The following PPP2R3B variants were observed in gnomAD, a reference collection of about 807,000 sequenced individuals.
PPP2R3B encodes serine/threonine-protein phosphatase 2A regulatory subunit B'' subunit beta.
Under a neutral mutation model 72.9 loss-of-function variants are expected in PPP2R3B, and 68 were observed. The observed-to-expected ratio is 0.93, with a 90% CI of 0.77 to 1.14. PPP2R3B has a LOEUF of 1.14. PPP2R3B is among the 50% of genes most tolerant of loss of function. The pLI is 0.00. For synonymous variants in PPP2R3B, 466 were observed against 375.8 expected (o/e 1.24, Z -2.78); for missense variants, 1,018 against 842.0 (o/e 1.21, Z -2.59).
chrX:347,903 G>C (rs1237144124), intron 2 of PPP2R3B: 1 of 547,402 alleles, frequency 1.8e-6, no homozygotes, highest in Non-Finnish European at 3.2e-6. Context: ...TGGGAGTGCC[G>C]GGCACGCAGT....
chrX:380,251 A>G (rs779070618), intron 1 of PPP2R3B, among the ~76,000 whole-genome samples: 68 of 152,360 alleles, frequency 4.5e-4, no homozygotes, highest in African/African-American at 1.5e-3. Flanking sequence ...GCTCTTTGAG[A>G]CACTGAAGAA....
At chrX:380,735 G>A (rs1380850572) in intron 1 of PPP2R3B, among the ~76,000 whole-genome samples, 3 of 126,546 alleles carry the variant, frequency 2.4e-5, no homozygotes, top group Non-Finnish European at 4.7e-5. Context: ...GTAGTGAGCC[G>A]AAATTGCGTC....
At chrX:345,383 G>T (rs754164603) in intron 7 of PPP2R3B, 133 bp downstream of exon 7, 1 of 1,213,924 alleles carries the variant, frequency 8.2e-7, no homozygotes, top group Admixed American at 2.0e-5. Context: ...ACAGAGCGGC[G>T]AGTGCGAAGG....
intron 1 of PPP2R3B, chrX:374,000 G>C (rs909946208): frequency 1.3e-5 from 2 of 152,554 alleles, no homozygotes; most frequent in African/African-American, 4.8e-5. Flanking sequence ...GGGCTGGGCC[G>C]TCCGGCCGGG....
At chrX:350,148 G>T (rs898871497) in intron 2 of PPP2R3B, among the ~76,000 whole-genome samples, 1 of 152,162 alleles carries the variant, frequency 6.6e-6, no homozygotes, top group Non-Finnish European at 1.5e-5. Context: ...GTCTCTGTCG[G>T]GCACCGGTGG....
At chrX:354,865 A>C (rs980525334) in intron 2 of PPP2R3B, among the ~76,000 whole-genome samples, 3 of 152,084 alleles carry the variant, frequency 2.0e-5, no homozygotes, top group African/African-American at 7.2e-5. Context: ...AAAACACAAG[A>C]GCTCCCAGCA....
intron 2 of PPP2R3B, among the ~76,000 whole-genome samples, chrX:353,986 A>AGGGCTCATCCAAAGACCG (rs2071385994): frequency 1.2e-5 from 1 of 86,684 alleles, no homozygotes; most frequent in South Asian, 4.2e-4. Flanking sequence ...CCCAAAGACC[A>AGGGCTCATCCAAAGACCG]GGGCTCATCC....
intron 7 of PPP2R3B, 38 bp from the exon 8 acceptor site, chrX:341,969 G>C (rs1247310428): frequency 5.6e-6 from 9 of 1,611,036 alleles, no homozygotes; most frequent in Non-Finnish European, 7.6e-6. Flanking sequence ...CCCGCACCGT[G>C]CCTCGGCCCC....
At position 361,528 on chromosome X, in the gene PPP2R3B, G is replaced by A. The variant is rs2071540600; in HGVS notation, c.387C>T (p.Tyr129=). Residue 129 remains tyrosine (Y), a synonymous_variant, in exon 2 of 13, where the codon TAC becomes TAT. Coordinates refer to ENST00000390665, the MANE Select transcript of PPP2R3B (RefSeq NM_013239.5). ...AGTCCTGCGGGCGTCCTCTGGGGAA[G>A]TAGAAGGTCGGAATGCTTTGGCTCG... ...PATSQSIPTF[Y]FPRGRPQDSV... 1 of 1,613,900 alleles carries A rather than the reference G, an allele frequency of 6.2e-7. No homozygotes were observed. Among genetic ancestry groups the A allele is most frequent in the Non-Finnish European group, 8.5e-7 (1 of 1,179,870 alleles).
At chrX:380,786 CAAAAAAAAA>C (rs1054118917) in intron 1 of PPP2R3B, among the ~76,000 whole-genome samples, 3 of 53,136 alleles carry the variant, frequency 5.6e-5, no homozygotes, top group African/African-American at 2.2e-4. Context: ...AACTCCATCT[CAAAAAAAAA>C]AAAAAAAAAA....
rs1028092835 is a variant in PPP2R3B, at chrX:360,218, T to C, written c.510+1187A>G. 7.2e-5 allele frequency among the ~76,000 whole-genome samples: 11 copies of C among 152,154 alleles called. 1 individual carries two copies. Among genetic ancestry groups the C allele is most frequent in the Admixed American group, 6.5e-4 (10 of 15,276 alleles). ...AACATCCCAAAACCAACTCATTTAA[T>C]AGACTGTATTAATAAGTTAAAAAAA... is the stretch of plus-strand genomic sequence containing the variant. On this transcript the variant is annotated intron_variant, in intron 2 of 12. Coordinates refer to ENST00000390665, the MANE Select transcript of PPP2R3B (RefSeq NM_013239.5).
Position 366,425 on chromosome X carries a change from C to T in PPP2R3B, c.325-4835G>A, listed in dbSNP as rs375067658. On this transcript the variant is annotated intron_variant, in intron 1 of 12. Coordinates refer to ENST00000390665, the MANE Select transcript of PPP2R3B (RefSeq NM_013239.5). The stretch of plus-strand genomic sequence containing the variant: ...GAGGGTGCCTGTACTCCCAGCTACT[C>T]GAGAGGCTGAGGCAGGAGAATCGCT... Among the ~76,000 whole-genome samples the T allele has an allele frequency of 5.9e-3, 28 of 4,744 alleles. 2 individuals carry two copies. Among genetic ancestry groups the T allele is most frequent in the East Asian group, 0.071 (1 of 14 alleles). The allele number at this position is 4,744 out of a possible 152,430, so 3.1% of individuals were successfully genotyped here.
intron 1 of PPP2R3B, chrX:373,894 G>C (rs1325412789): frequency 6.5e-6 from 1 of 153,100 alleles, no homozygotes; most frequent in African/African-American, 2.4e-5. Flanking sequence ...GTGCAGACCC[G>C]GCTGCTCCCG....
intron 1 of PPP2R3B, among the ~76,000 whole-genome samples, chrX:363,227 CGATCCCACAGTGCATCTCCCCGAGCCCAT>C (rs2071580446): frequency 6.6e-6 from 1 of 152,002 alleles, no homozygotes; most frequent in Non-Finnish European, 1.5e-5. Flanking sequence ...CCCGAGCCCG[CGATCCCACAGTGCATCTCCCCGAGCCCAT>C]GATCCCGCAG....
intron 12 of PPP2R3B, 121 bp from the exon 13 acceptor site, chrX:334,638 C>G (rs1335545770): frequency 4.3e-6 from 5 of 1,169,748 alleles, no homozygotes; most frequent in Admixed American, 4.1e-5. Flanking sequence ...CTGAGCCGAC[C>G]TTGAGCTCCA....
chrX:357,338 T>G (rs2071458089), intron 2 of PPP2R3B, among the ~76,000 whole-genome samples: 1 of 152,148 alleles, frequency 6.6e-6, no homozygotes, highest in African/African-American at 2.4e-5. Context: ...TCTTAGGGTG[T>G]GTAATTATAT....
At chrX:371,356 T>G (rs1603119134) in intron 1 of PPP2R3B, among the ~76,000 whole-genome samples, 1 of 152,228 alleles carries the variant, frequency 6.6e-6, no homozygotes, top group Admixed American at 6.5e-5. Context: ...GCTGTTCCGT[T>G]CCCAAGGCCG....
At chrX:382,665 C>T (rs920860252) in intron 1 of PPP2R3B, among the ~76,000 whole-genome samples, 3 of 152,134 alleles carry the variant, frequency 2.0e-5, no homozygotes, top group Non-Finnish European at 1.5e-5. Flanking sequence ...AGGCTTCTTG[C>T]CTGATTTACA....
intron 7 of PPP2R3B, chrX:345,007 G>A: frequency 5.5e-6 from 2 of 361,418 alleles, no homozygotes; most frequent in South Asian, 4.1e-5. Flanking sequence ...CTGCAAGTGT[G>A]GATGACTCTT....
Sources: gnomAD v4.1 joint callset for allele counts (sites outside exome capture counted in the v4.1 genomes callset) on GRCh38, gnomAD v4.1.1 for gene constraint, MANE v1.5 for transcripts, NCBI Gene and HGNC (gene_info 2026-07-23, HGNC 2026-07-21) for gene names.